The following SSPN variants were observed in gnomAD, a reference collection of about 807,000 sequenced individuals.
SSPN encodes the protein sarcospan.
In SSPN, 15 loss-of-function variants were observed where a neutral mutation model predicts 19.1. The ratio of observed to expected loss-of-function variants is 0.78; its 90% CI spans 0.52 to 1.21. The LOEUF is 1.21. SSPN is among the 50% of genes most tolerant of loss of function. The pLI is 0.00. For synonymous variants in SSPN, 147 were observed against 140.3 expected (o/e 1.05, Z -0.34); for missense variants, 291 against 314.0 (o/e 0.93, Z 0.55).
chr12:26,182,658 A>G (rs1212550362), intron 1 of SSPN, among the ~76,000 whole-genome samples: 2 of 126,750 alleles, frequency 1.6e-5, no homozygotes, highest in Non-Finnish European at 3.2e-5. Context: ...CCTCCCCTCC[A>G]GTGGCTTGCA....
At chr12:26,167,777 A>C (rs1023327565) in intron 1 of SSPN, among the ~76,000 whole-genome samples, 15 of 152,342 alleles carry the variant, frequency 9.8e-5, no homozygotes, top group Admixed American at 1.3e-4. Context: ...TCTAGAGCCT[A>C]GATACTGAAC....
At chr12:26,218,540 A>T (rs1006252221) in intron 1 of SSPN, among the ~76,000 whole-genome samples, 2 of 148,140 alleles carry the variant, frequency 1.4e-5, no homozygotes, top group Non-Finnish European at 3.1e-5. Flanking sequence ...GACCTATTGG[A>T]TCAAAAATTC....
chr12:26,181,645 G>T (rs1944719176), intron 1 of SSPN, among the ~76,000 whole-genome samples: 1 of 152,100 alleles, frequency 6.6e-6, no homozygotes, highest in Non-Finnish European at 1.5e-5. Flanking sequence ...AGGCACTTTT[G>T]TCTTTTTCTT....
intron 1 of SSPN, among the ~76,000 whole-genome samples, chr12:26,139,755 A>G (rs1395529619): frequency 1.3e-5 from 2 of 152,238 alleles, no homozygotes; most frequent in Non-Finnish European, 2.9e-5. Context: ...CTAGGAACTG[A>G]TGGGCTTTGA....
chr12:26,202,864 G>A (rs1002200713), intron 1 of SSPN, among the ~76,000 whole-genome samples: 5 of 152,154 alleles, frequency 3.3e-5, no homozygotes, highest in African/African-American at 9.7e-5. Context: ...CTGTTCTCAC[G>A]CTGCTATAAA....
chr12:26,206,928 A>G (rs193278922), intron 1 of SSPN, among the ~76,000 whole-genome samples: 9 of 152,334 alleles, frequency 5.9e-5, no homozygotes, highest in Non-Finnish European at 1.3e-4. Context: ...CTGTATTTTC[A>G]TATACCAGGT....
At chr12:26,130,152 G>A (rs1944389441) in intron 1 of SSPN, among the ~76,000 whole-genome samples, 1 of 152,196 alleles carries the variant, frequency 6.6e-6, no homozygotes, top group Non-Finnish European at 1.5e-5. Flanking sequence ...TTTCTCTGGA[G>A]TCTGGACTAG....
At chr12:26,228,926 A>C (rs1322567999) in intron 2 of SSPN, among the ~76,000 whole-genome samples, 1 of 152,166 alleles carries the variant, frequency 6.6e-6, no homozygotes, top group Non-Finnish European at 1.5e-5. Flanking sequence ...TGGGAGGATC[A>C]CTTGAGGCTT....
At chr12:26,201,040 T>A (rs1565685508) in intron 1 of SSPN, among the ~76,000 whole-genome samples, 16 of 61,824 alleles carry the variant, frequency 2.6e-4, no homozygotes, top group Non-Finnish European at 4.5e-4. Context: ...TATATATATA[T>A]ATATATTATA....
intron 1 of SSPN, among the ~76,000 whole-genome samples, chr12:26,198,166 TG>T (rs112034883): frequency 3.4e-5 from 5 of 149,188 alleles, no homozygotes; most frequent in Non-Finnish European, 6.0e-5. Flanking sequence ...CTTTGAGTTT[TG>T]GGGGGGGGTT....
At chr12:26,124,219 C>T (rs1456949616) in intron 1 of SSPN, 8 of 1,322,148 alleles carry the variant, frequency 6.1e-6, no homozygotes, top group Non-Finnish European at 7.6e-6. Flanking sequence ...AAACAGTAAG[C>T]GAAACATTCA....
At chr12:26,199,783 A>C (rs534214006) in intron 1 of SSPN, among the ~76,000 whole-genome samples, 3 of 152,244 alleles carry the variant, frequency 2.0e-5, no homozygotes, top group Non-Finnish European at 4.4e-5. Context: ...CTCATTCAGT[A>C]ACATCTGTGG....
chr12:26,223,075 C>T (rs745742435), intron 1 of SSPN, among the ~76,000 whole-genome samples: 1 of 152,210 alleles, frequency 6.6e-6, no homozygotes, highest in African/African-American at 2.4e-5. Context: ...CCAACCCACC[C>T]AACATCACTG....
intron 1 of SSPN, among the ~76,000 whole-genome samples, chr12:26,203,628 T>C (rs1199797141): frequency 6.6e-6 from 1 of 152,210 alleles, no homozygotes; most frequent in African/African-American, 2.4e-5. Flanking sequence ...CCCTGGTTAA[T>C]TTTAAAATTC....
intron 2 of SSPN, among the ~76,000 whole-genome samples, chr12:26,226,126 T>A (rs1004830945): frequency 1.3e-5 from 2 of 152,306 alleles, no homozygotes; most frequent in African/African-American, 4.8e-5. Flanking sequence ...CTCCTGAACG[T>A]GACCTTTCTT....
intron 1 of SSPN, among the ~76,000 whole-genome samples, chr12:26,204,112 G>A (rs927084881): frequency 3.3e-5 from 5 of 152,136 alleles, no homozygotes; most frequent in African/African-American, 1.2e-4. Flanking sequence ...CATTTGCACA[G>A]CAACCTCAGT....
chr12:26,178,487 A>T (rs1014588383), intron 1 of SSPN, among the ~76,000 whole-genome samples: 1 of 152,214 alleles, frequency 6.6e-6, no homozygotes, highest in Non-Finnish European at 1.5e-5. Context: ...CTGGTTGTAT[A>T]ATAGCTGCCT....
At chr12:26,122,575 C>T in intron 1 of SSPN, 1 of 1,107,126 alleles carries the variant, frequency 9.0e-7, no homozygotes, top group Admixed American at 5.0e-5. Context: ...CTCAGCAGCG[C>T]GGCCGCGGCG....
At chr12:26,140,539 A>C (rs1381126532) in intron 1 of SSPN, among the ~76,000 whole-genome samples, 1 of 152,158 alleles carries the variant, frequency 6.6e-6, no homozygotes, top group Non-Finnish European at 1.5e-5. Flanking sequence ...TGTAATCCCC[A>C]GTATTGGAAA....
Sources: gnomAD v4.1 joint callset for allele counts (sites outside exome capture counted in the v4.1 genomes callset) on GRCh38, gnomAD v4.1.1 for gene constraint, MANE v1.5 for transcripts, NCBI Gene and HGNC (gene_info 2026-07-23, HGNC 2026-07-21) for gene names.